The following ZNF385B variants were observed in gnomAD, a reference collection of about 807,000 sequenced individuals.
The protein encoded by ZNF385B is zinc finger protein 385B.
A neutral mutation model predicts 39.2 loss-of-function variants in ZNF385B; 23 were observed. That is an observed-to-expected ratio of 0.59 (90% CI 0.42 to 0.83). ZNF385B has a LOEUF of 0.83. Among genes scored for constraint, ZNF385B ranks in the 40% least tolerant of loss-of-function variants. ZNF385B has a pLI of 0.00. For synonymous variants in ZNF385B, 205 were observed against 222.6 expected, an observed-to-expected ratio of 0.92 and a Z score of 0.70; for missense variants, 552 against 598.9, an observed-to-expected ratio of 0.92 and a Z score of 0.82.
intron 6 of ZNF385B, among the ~76,000 whole-genome samples, chr2:179,470,909 C>T (rs1415260067): frequency 7.9e-6 from 1 of 126,690 alleles, no homozygotes; most frequent in Non-Finnish European, 1.7e-5. Context: ...GTTTCCCTCT[C>T]CTCTTGTTTT....
intron 1 of ZNF385B, among the ~76,000 whole-genome samples, chr2:179,831,479 A>T (rs1295170896): frequency 1.3e-5 from 2 of 151,970 alleles, no homozygotes; most frequent in East Asian, 1.9e-4. Context: ...AACTTACAGG[A>T]TCAAGTTGCT....
intron 1 of ZNF385B, among the ~76,000 whole-genome samples, chr2:179,802,968 A>C (rs1304875367): frequency 6.6e-6 from 1 of 152,196 alleles, no homozygotes; most frequent in Non-Finnish European, 1.5e-5. Context: ...GCTAAGCCTT[A>C]TTTACATATC....
At chr2:179,581,161 T>C (rs867850604) in intron 3 of ZNF385B, among the ~76,000 whole-genome samples, 44 of 151,990 alleles carry the variant, frequency 2.9e-4, no homozygotes, top group African/African-American at 1.0e-3. Context: ...ATGCAAAGAG[T>C]AGACAGGAGC....
At chr2:179,591,761 C>T (rs1048883612) in intron 3 of ZNF385B, among the ~76,000 whole-genome samples, 3 of 152,012 alleles carry the variant, frequency 2.0e-5, no homozygotes, top group Admixed American at 1.3e-4. Flanking sequence ...TGTGGACTGT[C>T]CTCATTAATA....
At chr2:179,462,493 A>G (rs2051449292) in intron 6 of ZNF385B, among the ~76,000 whole-genome samples, 1 of 152,242 alleles carries the variant, frequency 6.6e-6, no homozygotes, top group East Asian at 1.9e-4. Flanking sequence ...TTACCTACAC[A>G]TTTGACAAAA....
chr2:179,529,037 T>G (rs1222043633), intron 4 of ZNF385B, among the ~76,000 whole-genome samples: 1 of 152,236 alleles, frequency 6.6e-6, no homozygotes, highest in Non-Finnish European at 1.5e-5. Flanking sequence ...TACTTATACC[T>G]CATAGTCACT....
intron 3 of ZNF385B, among the ~76,000 whole-genome samples, chr2:179,649,641 A>G (rs1313322168): frequency 1.3e-5 from 2 of 152,236 alleles, no homozygotes; most frequent in East Asian, 3.8e-4. Context: ...AATATATCAT[A>G]TAATACAATT....
chr2:179,801,150 A>G (rs1706006286), intron 1 of ZNF385B, among the ~76,000 whole-genome samples: 1 of 152,038 alleles, frequency 6.6e-6, no homozygotes, highest in South Asian at 2.1e-4. Flanking sequence ...TATCCTCAGG[A>G]GGTAATGAGG....
chr2:179,557,219 G>A (rs1317705950), intron 3 of ZNF385B, among the ~76,000 whole-genome samples: 1 of 149,338 alleles, frequency 6.7e-6, no homozygotes, highest in Non-Finnish European at 1.5e-5. Context: ...AATCAAAGAT[G>A]TACAAGAATC....
intron 1 of ZNF385B, among the ~76,000 whole-genome samples, chr2:179,841,973 G>A (rs1306493096): frequency 6.6e-6 from 1 of 152,140 alleles, no homozygotes; most frequent in African/African-American, 2.4e-5. Flanking sequence ...TAAGAACACA[G>A]ATACCAGAGC....
At chr2:179,496,713 C>A (rs889997717) in intron 5 of ZNF385B, among the ~76,000 whole-genome samples, 2 of 152,150 alleles carry the variant, frequency 1.3e-5, no homozygotes, top group Non-Finnish European at 2.9e-5. Context: ...GGAAAAAAAT[C>A]TTTTATCCTA....
intron 1 of ZNF385B, among the ~76,000 whole-genome samples, chr2:179,805,887 C>T (rs991711787): frequency 6.6e-6 from 1 of 152,184 alleles, no homozygotes; most frequent in Non-Finnish European, 1.5e-5. Flanking sequence ...GGACAATTAG[C>T]TCTCTAACTT....
At chr2:179,683,202 A>T (rs929651791) in intron 3 of ZNF385B, among the ~76,000 whole-genome samples, 6 of 150,658 alleles carry the variant, frequency 4.0e-5, no homozygotes, top group African/African-American at 1.5e-4. Context: ...AGCCTGGCCA[A>T]CACGGTGAAA....
rs56395909 is a variant in ZNF385B at position 179,536,722 on chromosome 2, C to G, written c.441+8105G>C. ...TGTCTAATTCATCACAATAACCTTT[C>G]TCCTTAGCACAATGCCAGGGACATG... On this transcript the variant is annotated intron_variant, in intron 4 of 9. Transcript: ENST00000410066. Among the ~76,000 whole-genome samples the G allele has an allele frequency of 2.5e-3, 380 of 152,260 alleles. 1 individual carries two copies. Among genetic ancestry groups the G allele is most frequent in the Non-Finnish European group, 4.6e-3 (316 of 68,036 alleles).
intron 3 of ZNF385B, among the ~76,000 whole-genome samples, chr2:179,697,375 A>G (rs889315429): frequency 6.6e-6 from 1 of 152,148 alleles, no homozygotes; most frequent in African/African-American, 2.4e-5. Context: ...TGATGGTTTT[A>G]TAAATGGTAG....
intron 1 of ZNF385B, among the ~76,000 whole-genome samples, chr2:179,836,636 A>C (rs568653008): frequency 2.7e-5 from 4 of 148,356 alleles, no homozygotes; most frequent in Non-Finnish European, 5.9e-5. Context: ...CTCCTGCCTC[A>C]GCCTCCCGAG....
chr2:179,649,753 G>A (rs1693043722), intron 3 of ZNF385B, among the ~76,000 whole-genome samples: 1 of 151,888 alleles, frequency 6.6e-6, no homozygotes, highest in Admixed American at 6.6e-5. Flanking sequence ...AATTTATTTG[G>A]GGAAATAAGC....
At chr2:179,629,964 G>A (rs1382012084) in intron 3 of ZNF385B, among the ~76,000 whole-genome samples, 1 of 152,258 alleles carries the variant, frequency 6.6e-6, no homozygotes, top group Non-Finnish European at 1.5e-5. Flanking sequence ...GGCTGGGGGA[G>A]GGGTGTCTGC....
At chr2:179,781,643 T>A (rs1208498564) in intron 1 of ZNF385B, among the ~76,000 whole-genome samples, 5 of 152,140 alleles carry the variant, frequency 3.3e-5, no homozygotes, top group African/African-American at 1.2e-4. Flanking sequence ...AAATTAAAAT[T>A]GTTTCTTCAA....
Sources: allele counts gnomAD v4.1 joint callset (sites outside exome capture counted in the v4.1 genomes callset), GRCh38; gene constraint gnomAD v4.1.1; transcripts MANE v1.5; gene names NCBI Gene and HGNC (gene_info 2026-07-23, HGNC 2026-07-21).